Variants in MYRIP observed in about 807,000 individuals in gnomAD.
MYRIP encodes the protein myosin VIIA and Rab interacting protein.
MYRIP carries 49 observed loss-of-function variants against 98.0 expected under a neutral mutation model. That is an observed-to-expected ratio of 0.50 (90% CI 0.40 to 0.63). The LOEUF is 0.63. MYRIP is among the 30% of genes least tolerant of loss of function. The pLI, the probability that MYRIP is intolerant of heterozygous loss-of-function variation, is 0.00. For missense variants in MYRIP, 1,004 were observed against 1,058.2 expected (o/e 0.95, Z 0.71); for synonymous variants, 404 against 409.5 (o/e 0.99, Z 0.16).
intron 1 of MYRIP, among the ~76,000 whole-genome samples, chr3:39,887,837 A>T (rs1170805123): frequency 6.6e-6 from 1 of 152,200 alleles, no homozygotes; most frequent in East Asian, 1.9e-4. Context: ...AAGTGTCAGG[A>T]TACAAAATCA....
chr3:40,002,200 T>G (rs1025545385), intron 2 of MYRIP, among the ~76,000 whole-genome samples: 1 of 152,224 alleles, frequency 6.6e-6, no homozygotes. Context: ...ACTCATGATG[T>G]AGAGCAGTCC....
intron 3 of MYRIP, among the ~76,000 whole-genome samples, chr3:40,088,030 G>T (rs1227280811): frequency 6.6e-6 from 1 of 152,174 alleles, no homozygotes; most frequent in Non-Finnish European, 1.5e-5. Context: ...TGGCAGAAGT[G>T]CCAGGCTCTG....
rs1173872163 is a variant in MYRIP at position 40,024,810 on chromosome 3, C to G, written c.111-19240C>G. ...CCTGATTTCACTCTCTGGCTATTGG[C>G]CAAATATTCCAGATGATCCAATGGA... On this transcript the variant is annotated intron_variant, in intron 2 of 16. Transcript: ENST00000302541. Among the ~76,000 whole-genome samples the G allele has an allele frequency of 4.6e-5, 7 of 152,242 alleles. No homozygotes were observed. The East Asian group carries it at 1.2e-3, about 25-fold the overall frequency.
At chr3:40,206,518 T>C (rs1465801952) in intron 10 of MYRIP, among the ~76,000 whole-genome samples, 1 of 152,188 alleles carries the variant, frequency 6.6e-6, no homozygotes, top group African/African-American at 2.4e-5. Flanking sequence ...ATTCCATTCT[T>C]TAAGATTTGC....
At chr3:39,816,610 C>A (rs142457043) in intron 1 of MYRIP, among the ~76,000 whole-genome samples, 1 of 152,064 alleles carries the variant, frequency 6.6e-6, no homozygotes, top group Non-Finnish European at 1.5e-5. Context: ...TATCAAAGAG[C>A]GTTGATTTGG....
chr3:39,980,615 C>T (rs9876809), intron 2 of MYRIP, among the ~76,000 whole-genome samples: 13,564 of 152,268 alleles, frequency 0.089, 1,442 homozygotes, highest in African/African-American at 0.25. Flanking sequence ...CCTGCTCTGA[C>T]CTCATATCAT....
At chr3:40,082,322 A>G (rs1164615576) in intron 3 of MYRIP, among the ~76,000 whole-genome samples, 1 of 152,252 alleles carries the variant, frequency 6.6e-6, no homozygotes, top group Non-Finnish European at 1.5e-5. Flanking sequence ...ATTACTCACA[A>G]GAGCCAAGAT....
intron 3 of MYRIP, among the ~76,000 whole-genome samples, chr3:40,103,669 G>A (rs1948995714): frequency 6.6e-6 from 1 of 152,158 alleles, no homozygotes; most frequent in Non-Finnish European, 1.5e-5. Context: ...TGAGACAGGA[G>A]AATCGCTTGA....
At chr3:40,087,819 A>T (rs1948658959) in intron 3 of MYRIP, among the ~76,000 whole-genome samples, 1 of 152,218 alleles carries the variant, frequency 6.6e-6, no homozygotes, top group Admixed American at 6.5e-5. Context: ...TCCAAGAAAC[A>T]ACAGGAAGAT....
chr3:39,880,607 G>C lies in MYRIP; in HGVS notation c.-30-20180G>C, dbSNP rs1943134850. On this transcript the variant is annotated intron_variant, in intron 1 of 16. Coordinates refer to ENST00000302541, the MANE Select transcript of MYRIP (RefSeq NM_015460.4). ...TATCTCCTACTTCATAAATGTGTTA[G>C]CTTCAACAAGTTACTTGGTCTTTTT... 3.3e-5 allele frequency among the ~76,000 whole-genome samples: 5 copies of C among 152,274 alleles called. No individual in the cohort carries two copies. The South Asian group carries it at 1.0e-3, about 32-fold the overall frequency.
At chr3:40,175,418 G>T (rs1461658209) in intron 8 of MYRIP, among the ~76,000 whole-genome samples, 1 of 152,182 alleles carries the variant, frequency 6.6e-6, no homozygotes, top group East Asian at 1.9e-4. Flanking sequence ...CAACAGCAAT[G>T]ACAGGAAATG....
chr3:39,987,998 A>G (rs776405986), intron 2 of MYRIP, among the ~76,000 whole-genome samples: 1 of 152,232 alleles, frequency 6.6e-6, no homozygotes, highest in Non-Finnish European at 1.5e-5. Flanking sequence ...TGATGAGTTC[A>G]TGTCCTTTTT....
chr3:40,227,615 T>G (rs776609727), intron 11 of MYRIP, among the ~76,000 whole-genome samples: 1 of 152,216 alleles, frequency 6.6e-6, no homozygotes, highest in Non-Finnish European at 1.5e-5. Flanking sequence ...AGCAGCAAAG[T>G]TTAACCTTTT....
At chr3:39,827,973 C>G (rs1242440225) in intron 1 of MYRIP, among the ~76,000 whole-genome samples, 2 of 151,840 alleles carry the variant, frequency 1.3e-5, no homozygotes, top group African/African-American at 2.4e-5. Flanking sequence ...TCATGGGATT[C>G]CCTTATATGT....
At chr3:40,145,856 T>C in intron 3 of MYRIP, among the ~76,000 whole-genome samples, 1 of 152,180 alleles carries the variant, frequency 6.6e-6, no homozygotes, top group East Asian at 1.9e-4. Context: ...GAAGATGTCA[T>C]GGGAGAAGAC....
At chr3:39,956,349 A>G (rs1314686664) in intron 2 of MYRIP, among the ~76,000 whole-genome samples, 3 of 152,220 alleles carry the variant, frequency 2.0e-5, no homozygotes, top group Non-Finnish European at 4.4e-5. Context: ...CAGTGCAATA[A>G]AACTAGAACT....
intron 2 of MYRIP, among the ~76,000 whole-genome samples, chr3:40,001,188 G>T (rs1946511911): frequency 6.6e-6 from 1 of 152,184 alleles, no homozygotes; most frequent in Non-Finnish European, 1.5e-5. Flanking sequence ...AGATATTTAG[G>T]TGAAATGAAA....
chr3:40,086,619 T>C (rs1419996472), intron 3 of MYRIP, among the ~76,000 whole-genome samples: 2 of 152,208 alleles, frequency 1.3e-5, no homozygotes, highest in Admixed American at 6.5e-5. Context: ...ACCTCTGGTG[T>C]TGCAGAAAGA....
chr3:40,174,803 C>T (rs1950713091), intron 8 of MYRIP: 1 of 152,194 alleles, frequency 6.6e-6, no homozygotes, highest in African/African-American at 2.4e-5. Flanking sequence ...CCATTTTTAG[C>T]TCCTGACTTG....
Sources: allele counts gnomAD v4.1 joint callset (sites outside exome capture counted in the v4.1 genomes callset), GRCh38; gene constraint gnomAD v4.1.1; transcripts MANE v1.5; gene names NCBI Gene and HGNC (gene_info 2026-07-23, HGNC 2026-07-21).